Variants in TTLL10 observed in about 807,000 individuals in gnomAD.
The protein encoded by TTLL10 is inactive polyglycylase TTLL10.
Under a neutral mutation model 69.0 loss-of-function variants are expected in TTLL10, and 61 were observed. The ratio of observed to expected loss-of-function variants is 0.88; its 90% CI spans 0.72 to 1.09. The LOEUF (loss-of-function observed/expected upper bound fraction) is 1.09, where lower values mean the gene tolerates loss of function less well. Ranked by LOEUF, TTLL10 falls within the 50% of genes least tolerant of loss-of-function variation. The pLI is 0.00. For synonymous variants in TTLL10, 408 were observed against 393.3 expected, an observed-to-expected ratio of 1.04 and a Z score of -0.44; for missense variants, 962 against 945.9, an observed-to-expected ratio of 1.02 and a Z score of -0.22.
chr1:1,185,145 TC>T lies in TTLL10; in HGVS notation c.1401+39del. 1 of 1,603,028 alleles carries T rather than the reference TC, an allele frequency of 6.2e-7. No homozygotes were observed. The highest frequency in any genetic ancestry group is 8.5e-7 in the Non-Finnish European group (1 of 1,173,248). On this transcript the variant is annotated intron_variant, in intron 13 of 15. Coordinates refer to ENST00000379289, the MANE Select transcript of TTLL10 (RefSeq NM_001130045.2). This position sits in a 1 kb window ranked among gnomAD's most constrained non-coding sequence, Gnocchi z 6.1. Reference sequence around the variant, plus strand: ...TGTGCCCTCCAGTCTGGGAGTGAGATCCCTCGGGGCGGGGGTGTGTGGTCAG... The same window carrying T: ...TGTGCCCTCCAGTCTGGGAGTGAGATCCTCGGGGCGGGGGTGTGTGGTCAG...
intron 14 of TTLL10, 38 bp downstream of exon 14, chr1:1,196,754 G>A (rs1648241834): frequency 7.1e-7 from 1 of 1,407,686 alleles, no homozygotes; most frequent in Non-Finnish European, 9.8e-7. Flanking sequence ...GTAGACAGAT[G>A]CAAGGAGGCA....
At chr1:1,175,928 T>G (rs1376633534) in intron 3 of TTLL10, 2 of 435,796 alleles carry the variant, frequency 4.6e-6, no homozygotes, top group Non-Finnish European at 9.1e-6. Flanking sequence ...CCAGCCGCTG[T>G]GCAGGTGGAG....
Position 1,181,865 on chromosome 1 carries a change from A to T in TTLL10, c.830+50A>T. 1 of 1,515,058 alleles carries T rather than the reference A, an allele frequency of 6.6e-7. No individual in the cohort carries two copies. Among genetic ancestry groups the T allele is most frequent in the Non-Finnish European group, 9.0e-7 (1 of 1,109,742 alleles). 93.9% of individuals were successfully genotyped at this position (1,515,058 alleles called of 1,614,324 possible). A position where few individuals can be genotyped will look rare whatever the true frequency, so the allele number is the denominator to read the frequency against. Reference sequence around the variant, plus strand: ...GCCCTTCAGACCGAAGTTCAGACCTAAACCTGGTGTCGTCTGAAAAGGAGA... The same window carrying T: ...GCCCTTCAGACCGAAGTTCAGACCTTAACCTGGTGTCGTCTGAAAAGGAGA... On this transcript the variant is annotated intron_variant, in intron 9 of 15. Coordinates refer to ENST00000379289, the MANE Select transcript of TTLL10 (RefSeq NM_001130045.2). The surrounding 1 kb of genome is among the most constrained non-coding windows in gnomAD (Gnocchi z 4.6).
At chr1:1,190,551 C>T (rs2100909079) in intron 13 of TTLL10, among the ~76,000 whole-genome samples, 1 of 151,866 alleles carries the variant, frequency 6.6e-6, no homozygotes, top group East Asian at 1.9e-4. Flanking sequence ...CCTCAGCTTC[C>T]CGAGTAGCTG....
intron 9 of TTLL10, 82 bp from the exon 10 acceptor site, chr1:1,182,279 G>A: frequency 1.6e-6 from 2 of 1,260,034 alleles, no homozygotes; most frequent in Non-Finnish European, 2.3e-6. Context: ...CCTCCCGCCG[G>A]GCCACAGGCT....
Position 1,197,700 on chromosome 1 carries a change from C to G in TTLL10, c.1875C>G (p.Pro625=). 1 of 1,514,556 alleles carries G rather than the reference C, an allele frequency of 6.6e-7. No individual in the cohort carries two copies. The highest frequency in any genetic ancestry group is 8.8e-7 in the Non-Finnish European group (1 of 1,137,234). The allele number at this position is 1,514,556 out of a possible 1,614,324, so 93.8% of individuals were successfully genotyped here. A position where few individuals can be genotyped will look rare whatever the true frequency, so the allele number is the denominator to read the frequency against. Residue 625 remains proline, a synonymous_variant, in exon 16 of 16, where the codon CCC becomes CCG. Coordinates refer to ENST00000379289, the MANE Select transcript of TTLL10 (RefSeq NM_001130045.2). Reference sequence around the variant, plus strand: ...TGGTGCCGCAGCGTCCCCGGCCACCCGGCCCCGACCTGGACAGCGCCCACG... The same window carrying G: ...TGGTGCCGCAGCGTCCCCGGCCACCGGGCCCCGACCTGGACAGCGCCCACG... ...PPLVPQRPRP[P]GPDLDSAHDG...
Position 1,184,094 on chromosome 1 carries a change from G to A in TTLL10, c.1260+3G>A, listed in dbSNP as rs1213230724. On this transcript the variant is annotated splice_donor_region_variant and intron_variant, in intron 12 of 15. Transcript: ENST00000379289. ...TCGGCGGCCACTTGACCAACCAGGT[G>A]AGTCTGCCATGGGTGAGGGCCCTCC... The A allele has an allele frequency of 1.2e-6, 2 of 1,614,170 alleles. No individual in the cohort carries two copies. The highest frequency in any genetic ancestry group is 1.1e-5 in the South Asian group (1 of 91,078).
chr1:1,180,243 C>T lies in TTLL10; in HGVS notation c.409C>T (p.Leu137Phe). Reference sequence around the variant, plus strand: ...TAACGCCGCCGGGCCCTCAGCTGCCCTCCTGGAGGGGCTCCTGCTGGGGGG... The same window carrying T: ...TAACGCCGCCGGGCCCTCAGCTGCCTTCCTGGAGGGGCTCCTGCTGGGGGG... The part of the protein sequence containing the change: ...DTNAAGPSAA[L>F]LEGLLLGGGK... The change falls in exon 6 of 16, where the codon CTC becomes TTC. Residue 137 changes from leucine (L) to phenylalanine (F), a missense_variant. Physicochemically the swap from Leu to Phe is conservative, Grantham distance 22 (BLOSUM62 0). Transcript: ENST00000379289. 3.1e-6 allele frequency: 5 copies of T among 1,606,100 alleles called. No homozygotes were observed. The highest frequency in any genetic ancestry group is 1.1e-5 in the South Asian group (1 of 89,958).
chr1:1,197,358 T>TCCCACCCCTCACACCCTC, intron 15 of TTLL10, 80 bp from the exon 16 acceptor site: 1 of 903,794 alleles, frequency 1.1e-6, no homozygotes, highest in Non-Finnish European at 1.6e-6. Flanking sequence ...CTCACCTGGG[T>TCCCACCCCTCACACCCTC]CCCACCCCTC....
intron 3 of TTLL10, among the ~76,000 whole-genome samples, chr1:1,177,722 G>A (rs759282626): frequency 3.3e-5 from 5 of 152,240 alleles, no homozygotes; most frequent in Non-Finnish European, 7.3e-5. Flanking sequence ...TTCCCCAGCA[G>A]GAATCCTGGG....
In TTLL10 at chr1:1,177,555, C is replaced by A. The variant is rs1376266874; in HGVS notation, c.-27-1634C>A. Reference sequence around the variant, plus strand: ...CTCAATCTCCTGACCTCATGATCTGCCCGCCTCAGCCTCCCACAGTGCTGG... The same window carrying A: ...CTCAATCTCCTGACCTCATGATCTGACCGCCTCAGCCTCCCACAGTGCTGG... On this transcript the variant is annotated intron_variant, in intron 3 of 15. Transcript: ENST00000379289. 3.3e-5 allele frequency among the ~76,000 whole-genome samples: 5 copies of A among 152,236 alleles called. No homozygotes were observed. The South Asian group carries it at 1.0e-3, about 31-fold the overall frequency.
At chr1:1,187,081 C>T (rs1647394120) in intron 13 of TTLL10, among the ~76,000 whole-genome samples, 1 of 151,496 alleles carries the variant, frequency 6.6e-6, no homozygotes, top group South Asian at 2.1e-4. Context: ...CTCCTGACCT[C>T]GTGATCTGCC....
At chr1:1,182,735 A>T in intron 10 of TTLL10, 141 bp from the exon 11 acceptor site, 1 of 1,219,496 alleles carries the variant, frequency 8.2e-7, no homozygotes, top group Non-Finnish European at 1.1e-6. Context: ...AGCTGGGGCC[A>T]GGCGTGTGGT....
chr1:1,196,033 C>G (rs377196616), intron 13 of TTLL10, among the ~76,000 whole-genome samples: 94 of 152,188 alleles, frequency 6.2e-4, no homozygotes, highest in African/African-American at 2.2e-3. Flanking sequence ...GCCTCAGCCT[C>G]CCAAACTGCT....
rs1647045703 is a variant in TTLL10 at position 1,180,945 on chromosome 1, TGCCCCTGCGCCC to T, written c.755+94_755+105del. The stretch of plus-strand genomic sequence containing the variant: ...CCTGCCCCTGCACCCGCCCCACCCC[TGCCCCTGCGCCC>T]GCCCCTGCCCTTGCCCCTGCCCCTG... On this transcript the variant is annotated intron_variant, in intron 8 of 15. Coordinates refer to ENST00000379289, the MANE Select transcript of TTLL10 (RefSeq NM_001130045.2). 9 of 1,065,116 alleles carry T rather than the reference TGCCCCTGCGCCC, an allele frequency of 8.4e-6. 1 individual carries two copies. The highest frequency in any genetic ancestry group is 3.8e-5 in the East Asian group (1 of 26,242). 66.0% of individuals were successfully genotyped at this position (1,065,116 alleles called of 1,614,324 possible). A position where few individuals can be genotyped will look rare whatever the true frequency, so the allele number is the denominator to read the frequency against.
chr1:1,177,553 T>C (rs1646915897), intron 3 of TTLL10, among the ~76,000 whole-genome samples: 1 of 152,206 alleles, frequency 6.6e-6, no homozygotes, highest in African/African-American at 2.4e-5. Flanking sequence ...CCTCATGATC[T>C]GCCCGCCTCA....
At position 1,181,950 on chromosome 1, in the gene TTLL10, G is replaced by A. The variant is rs1647082949; in HGVS notation, c.830+135G>A. Reference sequence around the variant, plus strand: ...CGAGCTAGAGTCAGAGGTTCAGCCAGGCCAGGCCGAGATCCACGCTGACCC... The same window carrying A: ...CGAGCTAGAGTCAGAGGTTCAGCCAAGCCAGGCCGAGATCCACGCTGACCC... On this transcript the variant is annotated intron_variant, in intron 9 of 15. Transcript: ENST00000379289. This position sits in a 1 kb window ranked among gnomAD's most constrained non-coding sequence, Gnocchi z 4.6. The A allele has an allele frequency of 3.5e-6, 3 of 861,058 alleles. No homozygotes were observed. The highest frequency in any genetic ancestry group is 3.7e-6 in the Non-Finnish European group (2 of 545,306). The allele number at this position is 861,058 out of a possible 1,614,324, so 53.3% of individuals were successfully genotyped here. A position where few individuals can be genotyped will look rare whatever the true frequency, so the allele number is the denominator to read the frequency against.
chr1:1,175,411 C>T (rs909777647), intron 3 of TTLL10: 7 of 324,014 alleles, frequency 2.2e-5, no homozygotes, highest in Non-Finnish European at 3.6e-5. Context: ...TGCAGAAATT[C>T]CCCGTGGACG....
intron 7 of TTLL10, 29 bp from the exon 8 acceptor site, chr1:1,180,702 C>T (rs1647029916): frequency 3.1e-6 from 5 of 1,591,868 alleles, no homozygotes; most frequent in Non-Finnish European, 4.3e-6. Flanking sequence ...TGCGCTCCCT[C>T]CACACGAGCC....
Sources: gnomAD v4.1 joint callset for allele counts (sites outside exome capture counted in the v4.1 genomes callset) on GRCh38, gnomAD v4.1.1 for gene constraint, Gnocchi (gnomAD v3.1) non-coding constraint, MANE v1.5 for transcripts, NCBI Gene and HGNC (gene_info 2026-07-23, HGNC 2026-07-21) for gene names.